SLMAP: variants seen among roughly 807,000 people sequenced by gnomAD.
The protein encoded by SLMAP is sarcolemma associated protein, also known as sarcolemmal membrane-associated protein.
A neutral mutation model predicts 128.8 loss-of-function variants in SLMAP; 44 were observed. The ratio of observed to expected loss-of-function variants is 0.34; its 90% CI spans 0.27 to 0.44. The LOEUF (loss-of-function observed/expected upper bound fraction) is 0.44. Among genes scored for constraint, SLMAP ranks in the 20% least tolerant of loss-of-function variants. The pLI is 1.00. For missense variants in SLMAP, 787 were observed against 985.3 expected (o/e 0.80, Z 2.69); for synonymous variants, 327 against 348.8 (o/e 0.94, Z 0.70).
intron 10 of SLMAP, among the ~76,000 whole-genome samples, 184 bp downstream of exon 10, chr3:57,862,270 A>G (rs1386486283): frequency 6.6e-6 from 1 of 151,930 alleles, no homozygotes; most frequent in African/African-American, 2.4e-5. Flanking sequence ...GCGAGCTGAG[A>G]TCACGTCACT....
In SLMAP at chr3:57,906,305, T is replaced by TTTTC. The variant is rs1384737658; in HGVS notation, c.1502-1576_1502-1575insCTTT. The stretch of plus-strand genomic sequence containing the variant: ...ACCCAGAATCAAATTTTTTTCTTTT[T>TTTTC]TTTTCTTTTTTTTTTTTTTTTTTTT... On this transcript the variant is annotated intron_variant, in intron 17 of 24. Transcript: ENST00000671191. Among the ~76,000 whole-genome samples, 166 of 96,186 alleles carry TTTTC rather than the reference T, an allele frequency of 1.7e-3. 2 individuals carry two copies. Among genetic ancestry groups the TTTTC allele is most frequent in the African/African-American group, 5.2e-3 (152 of 29,296 alleles). The allele number at this position is 96,186 out of a possible 152,430, so 63.1% of individuals were successfully genotyped here. A position where few individuals can be genotyped will look rare whatever the true frequency, so the allele number is the denominator to read the frequency against.
In SLMAP at chr3:57,917,097, T is replaced by G. The variant is rs1334503765; in HGVS notation, c.2310+20T>G. 6.2e-7 allele frequency: 1 copy of G among 1,613,458 alleles called. No homozygotes were observed. The highest frequency in any genetic ancestry group is 1.3e-5 in the African/African-American group (1 of 75,024). Reference sequence around the variant, plus strand: ...AAAGAGGTAAAGCGAAAAGACATTATGAGCCCAATTATGGTTGGACTTAAA... The same window carrying G: ...AAAGAGGTAAAGCGAAAAGACATTAGGAGCCCAATTATGGTTGGACTTAAA... On this transcript the variant is annotated intron_variant, in intron 22 of 24. Transcript: ENST00000671191.
intron 16 of SLMAP, 130 bp downstream of exon 16, chr3:57,896,721 C>T: frequency 1.6e-6 from 2 of 1,263,222 alleles, no homozygotes; most frequent in Non-Finnish European, 2.2e-6. Flanking sequence ...TCAAGTCATC[C>T]CCTTTGAATG....
chr3:57,791,361 GA>G (rs554404526), intron 2 of SLMAP, among the ~76,000 whole-genome samples: 1,935 of 139,444 alleles, frequency 0.014, 29 homozygotes, highest in African/African-American at 0.047. Flanking sequence ...ATCTCAAAAA[GA>G]AAAAAAAAAA....
intron 3 of SLMAP, among the ~76,000 whole-genome samples, chr3:57,839,941 G>A (rs1270100712): frequency 1.3e-5 from 2 of 152,186 alleles, no homozygotes; most frequent in East Asian, 1.9e-4. Flanking sequence ...GCCCACCTCA[G>A]CCTACCAGAA....
chr3:57,757,870 A>G, intron 2 of SLMAP, 21 bp downstream of exon 2: 1 of 1,611,486 alleles, frequency 6.2e-7, no homozygotes, highest in Non-Finnish European at 8.5e-7. Context: ...CACATTGTCC[A>G]GCGGCATTGT....
At chr3:57,775,507 TACAAAAAAAAA>T (rs1157786487) in intron 2 of SLMAP, among the ~76,000 whole-genome samples, 4 of 27,290 alleles carry the variant, frequency 1.5e-4, no homozygotes, top group Admixed American at 6.8e-4. Flanking sequence ...ACCCTGTTGG[TACAAAAAAAAA>T]AAAAAAAAAA....
At chr3:57,893,777 G>A (rs1386586468) in intron 15 of SLMAP, among the ~76,000 whole-genome samples, 4 of 152,012 alleles carry the variant, frequency 2.6e-5, no homozygotes, top group African/African-American at 7.3e-5. Context: ...CTTTGTGATC[G>A]AAACTAGAAC....
chr3:57,839,408 T>C (rs1435127005), intron 3 of SLMAP, among the ~76,000 whole-genome samples: 1 of 151,968 alleles, frequency 6.6e-6, no homozygotes, highest in African/African-American at 2.4e-5. Flanking sequence ...GCCTGATCAT[T>C]TAATATCCCC....
intron 2 of SLMAP, among the ~76,000 whole-genome samples, chr3:57,795,630 C>T (rs1353339033): frequency 6.6e-6 from 1 of 151,958 alleles, no homozygotes; most frequent in African/African-American, 2.4e-5. Flanking sequence ...TAAGTATTTT[C>T]TCTCATTCTG....
intron 22 of SLMAP, among the ~76,000 whole-genome samples, chr3:57,919,337 G>A (rs1259098864): frequency 6.6e-6 from 1 of 151,196 alleles, no homozygotes; most frequent in East Asian, 1.9e-4. Flanking sequence ...GCTGAGATCA[G>A]GCCATTGCAC....
At chr3:57,875,959 T>G (rs2045679) in intron 14 of SLMAP, among the ~76,000 whole-genome samples, 93,163 of 152,122 alleles carry the variant, frequency 0.61, 29,168 homozygotes, top group East Asian at 0.98. Context: ...ATTAACAAGT[T>G]CACACAAGGT....
chr3:57,790,511 A>G (rs991500936), intron 2 of SLMAP, among the ~76,000 whole-genome samples: 22 of 152,058 alleles, frequency 1.4e-4, no homozygotes, highest in African/African-American at 5.1e-4. Flanking sequence ...GTAGATATAT[A>G]TTTTGTGAAT....
In SLMAP at chr3:57,913,315, C is replaced by A. The variant is rs1187895144; in HGVS notation, c.2138+40C>A. On this transcript the variant is annotated intron_variant, in intron 21 of 24. Coordinates refer to ENST00000671191, the MANE Select transcript of SLMAP (RefSeq NM_001377540.1). ...TCTGTTTTTCAGATATAAAATATTT[C>A]TTTATCTTAAATTTTCATCTAAATT... 3.6e-6 allele frequency: 3 copies of A among 844,162 alleles called. No individual in the cohort carries two copies. The African/African-American group carries it at 5.2e-5, about 15-fold the overall frequency. 52.3% of individuals were successfully genotyped at this position (844,162 alleles called of 1,614,324 possible).
intron 3 of SLMAP, 42 bp downstream of exon 3, chr3:57,831,572 G>T (rs745534995): frequency 1.5e-6 from 2 of 1,347,030 alleles, no homozygotes; most frequent in Non-Finnish European, 2.0e-6. Context: ...GTCTTTTAAA[G>T]GTTATTTAAT....
chr3:57,807,905 T>C (rs1030602002), intron 2 of SLMAP, among the ~76,000 whole-genome samples: 1 of 152,174 alleles, frequency 6.6e-6, no homozygotes, highest in Non-Finnish European at 1.5e-5. Context: ...GGTCCTAGGC[T>C]TTTTTTGTTG....
chr3:57,801,799 T>G (rs376310907), intron 2 of SLMAP, among the ~76,000 whole-genome samples: 1 of 151,522 alleles, frequency 6.6e-6, no homozygotes, highest in Admixed American at 6.5e-5. Flanking sequence ...GCCAAACTAC[T>G]TTCCAGTAGT....
In SLMAP at chr3:57,896,583, A is replaced by G. The variant is rs1169426651; in HGVS notation, c.1433A>G (p.Asp478Gly). The G allele has an allele frequency of 6.2e-7, 1 of 1,608,686 alleles. No homozygotes were observed. Reference sequence around the variant, plus strand: ...CCAAGCAAGGAAAAAAGCAGTGACGACACTACAGGTGAGTTTTAACCTAAT... The same window carrying G: ...CCAAGCAAGGAAAAAAGCAGTGACGGCACTACAGGTGAGTTTTAACCTAAT... ...LSPSKEKSSDDTTDAQMDEQD... is the reference protein window; with the variant it reads ...LSPSKEKSSDGTTDAQMDEQD... Residue 478 changes from aspartate to glycine, a missense_variant, in exon 16 of 25, where the codon GAC (aspartate) becomes GGC (glycine). Asp to Gly is a moderately conservative substitution (Grantham distance 94, BLOSUM62 -1). Around this residue, in one of 2 missense-constraint regions of SLMAP, gnomAD observed 715 missense variants for 843.6 expected, o/e 0.85. Coordinates refer to ENST00000671191, the MANE Select transcript of SLMAP (RefSeq NM_001377540.1).
At chr3:57,898,894 A>G (rs1390131553) in intron 17 of SLMAP, 1 of 152,108 alleles carries the variant, frequency 6.6e-6, no homozygotes, top group African/African-American at 2.4e-5. Flanking sequence ...ACTGGCGAAA[A>G]CCAACTTTAT....
Sources: allele counts gnomAD v4.1 joint callset (sites outside exome capture counted in the v4.1 genomes callset), GRCh38; gene constraint gnomAD v4.1.1; regional missense constraint gnomAD v4.1.1; transcripts MANE v1.5; gene names NCBI Gene and HGNC (gene_info 2026-07-23, HGNC 2026-07-21).